PLEKHA5: variants seen among roughly 807,000 people sequenced by gnomAD.
PLEKHA5 encodes pleckstrin homology domain-containing family A member 5.
PLEKHA5 carries 55 observed loss-of-function variants against 181.9 expected under a neutral mutation model. That is an observed-to-expected ratio of 0.30 (90% CI 0.24 to 0.38). The LOEUF (loss-of-function observed/expected upper bound fraction) is 0.38, where lower values mean the gene tolerates loss of function less well. Ranked by LOEUF, PLEKHA5 falls within the 10% of genes least tolerant of loss-of-function variation. PLEKHA5 has a pLI of 1.00. For synonymous variants in PLEKHA5, 535 were observed against 529.4 expected (o/e 1.01, Z -0.15); for missense variants, 1,432 against 1,549.5 (o/e 0.92, Z 1.27).
chr12:19,334,149 A>G (rs1184768347), intron 20 of PLEKHA5, among the ~76,000 whole-genome samples: 1 of 152,126 alleles, frequency 6.6e-6, no homozygotes, highest in Non-Finnish European at 1.5e-5. Flanking sequence ...AGATGTTGGG[A>G]GGAAATGTGT....
At chr12:19,363,834 A>G (rs1592646410) in intron 29 of PLEKHA5, among the ~76,000 whole-genome samples, 1 of 152,102 alleles carries the variant, frequency 6.6e-6, no homozygotes, top group East Asian at 1.9e-4. Context: ...TCCCTCCATT[A>G]AACATATTAC....
chr12:19,177,537 C>T (rs149156450), intron 3 of PLEKHA5, among the ~76,000 whole-genome samples: 1 of 152,322 alleles, frequency 6.6e-6, no homozygotes, highest in Non-Finnish European at 1.5e-5. Flanking sequence ...TCAGTTCCCA[C>T]TGCAACACAT....
chr12:19,323,468 G>A (rs1045992126), intron 20 of PLEKHA5, among the ~76,000 whole-genome samples: 3 of 151,640 alleles, frequency 2.0e-5, no homozygotes, highest in Admixed American at 6.6e-5. Flanking sequence ...GCGCCATTAC[G>A]TTCCAGCCTG....
chr12:19,242,118 A>T (rs948474702), intron 3 of PLEKHA5, among the ~76,000 whole-genome samples: 1 of 152,180 alleles, frequency 6.6e-6, no homozygotes, highest in African/African-American at 2.4e-5. Context: ...AATACTCGGG[A>T]TGGATGTGAT....
At chr12:19,368,747 C>T (rs999879055) in intron 30 of PLEKHA5, among the ~76,000 whole-genome samples, 18 of 152,082 alleles carry the variant, frequency 1.2e-4, no homozygotes, top group African/African-American at 4.1e-4. Context: ...GCCGAGATCA[C>T]GCCACTGCAC....
chr12:19,251,032 G>A (rs947662788), intron 3 of PLEKHA5, among the ~76,000 whole-genome samples: 42 of 152,284 alleles, frequency 2.8e-4, no homozygotes, highest in African/African-American at 9.9e-4. Context: ...CATTTTGCTT[G>A]TGAAAGTAAC....
At chr12:19,216,982 T>G (rs1279889071) in intron 3 of PLEKHA5, among the ~76,000 whole-genome samples, 1 of 152,220 alleles carries the variant, frequency 6.6e-6, no homozygotes, top group East Asian at 1.9e-4. Context: ...GTAGTTATTT[T>G]GATTGTGTTT....
intron 3 of PLEKHA5, among the ~76,000 whole-genome samples, chr12:19,229,316 C>T (rs1298435004): frequency 1.3e-5 from 2 of 152,066 alleles, no homozygotes; most frequent in African/African-American, 4.8e-5. Flanking sequence ...AGAATGAAGC[C>T]GCGGACCCTT....
At chr12:19,336,296 T>C (rs914582906) in intron 20 of PLEKHA5, among the ~76,000 whole-genome samples, 1 of 152,230 alleles carries the variant, frequency 6.6e-6, no homozygotes, top group African/African-American at 2.4e-5. Context: ...ATGCCTCTTC[T>C]ACATTTTAGG....
At chr12:19,224,986 G>GA (rs932077030) in intron 3 of PLEKHA5, among the ~76,000 whole-genome samples, 2 of 152,100 alleles carry the variant, frequency 1.3e-5, no homozygotes, top group African/African-American at 4.8e-5. Flanking sequence ...AACATAGCAA[G>GA]ACCTCATCGC....
intron 15 of PLEKHA5, chr12:19,306,272 A>T: frequency 2.9e-6 from 1 of 347,048 alleles, no homozygotes; most frequent in Admixed American, 3.9e-5. Context: ...GTTGCCACGT[A>T]TGTTTTCTTA....
At chr12:19,327,055 G>T (rs188911944) in intron 20 of PLEKHA5, among the ~76,000 whole-genome samples, 13 of 152,262 alleles carry the variant, frequency 8.5e-5, no homozygotes, top group Admixed American at 7.9e-4. Flanking sequence ...TTGGTAGAAA[G>T]ATTTGCTTTC....
At chr12:19,315,355 C>T (rs2088204373) in intron 16 of PLEKHA5, among the ~76,000 whole-genome samples, 1 of 152,110 alleles carries the variant, frequency 6.6e-6, no homozygotes, top group Non-Finnish European at 1.5e-5. Context: ...AATCTAGTTT[C>T]TGTACTATGG....
intron 3 of PLEKHA5, among the ~76,000 whole-genome samples, chr12:19,221,503 G>A (rs770003391): frequency 1.3e-5 from 2 of 152,098 alleles, no homozygotes; most frequent in Admixed American, 6.5e-5. Flanking sequence ...TAGGTGAAGC[G>A]CAGGAGAGTT....
At chr12:19,180,407 A>G (rs1208278095) in intron 3 of PLEKHA5, among the ~76,000 whole-genome samples, 4 of 152,140 alleles carry the variant, frequency 2.6e-5, no homozygotes. Flanking sequence ...AGGCATATGA[A>G]ATCTGGGGTA....
chr12:19,315,407 G>T (rs1486554139), intron 16 of PLEKHA5, among the ~76,000 whole-genome samples: 2 of 151,918 alleles, frequency 1.3e-5, no homozygotes, highest in African/African-American at 4.8e-5. Context: ...ACATACTGGG[G>T]GTATTTTGTC....
At chr12:19,189,656 A>G (rs139908437) in intron 3 of PLEKHA5, among the ~76,000 whole-genome samples, 38 of 152,308 alleles carry the variant, frequency 2.5e-4, no homozygotes, top group African/African-American at 8.7e-4. Flanking sequence ...TTGGTATACC[A>G]GTCTGCAACT....
chr12:19,254,974 C>T (rs2066460523), intron 4 of PLEKHA5, 71 bp from the exon 5 acceptor site: 1 of 1,354,448 alleles, frequency 7.4e-7, no homozygotes, highest in Non-Finnish European at 1.0e-6. Context: ...GCATTGTTAA[C>T]TGTAGAGAAG....
intron 3 of PLEKHA5, among the ~76,000 whole-genome samples, chr12:19,237,730 A>G (rs947998979): frequency 2.0e-5 from 3 of 152,020 alleles, no homozygotes; most frequent in Non-Finnish European, 2.9e-5. Context: ...AGAAATTAAG[A>G]GTTCTGCTAT....
Sources: gnomAD v4.1 joint callset for allele counts (sites outside exome capture counted in the v4.1 genomes callset) on GRCh38, gnomAD v4.1.1 for gene constraint, MANE v1.5 for transcripts, NCBI Gene and HGNC (gene_info 2026-07-23, HGNC 2026-07-21) for gene names.